The following RIC8B variants were observed in gnomAD, a reference collection of about 807,000 sequenced individuals.
The protein encoded by RIC8B is chaperone Ric-8B.
In RIC8B, 16 loss-of-function variants were observed where a neutral mutation model predicts 57.5. The ratio of observed to expected loss-of-function variants is 0.28; its 90% CI spans 0.19 to 0.42. The LOEUF (loss-of-function observed/expected upper bound fraction) is 0.42, where lower values mean the gene tolerates loss of function less well. Ranked by LOEUF, RIC8B falls within the 10% of genes least tolerant of loss-of-function variation. The probability of loss-of-function intolerance (pLI) is 1.00; values close to 1 mark genes in which losing one functional copy is unlikely to be tolerated. For synonymous variants in RIC8B, 216 were observed against 250.8 expected, an observed-to-expected ratio of 0.86 and a Z score of 1.31; for missense variants, 481 against 677.0, an observed-to-expected ratio of 0.71 and a Z score of 3.21.
Position 106,774,726 on chromosome 12 carries a change from G to A in RIC8B, c.-20G>A, listed in dbSNP as rs939067872. Reference sequence around the variant, plus strand: ...GGCTTGGGCGCGCAGAGCGGCCGCGGCTCCCCCGCACCTGCGGCCATGGAT... The same window carrying A: ...GGCTTGGGCGCGCAGAGCGGCCGCGACTCCCCCGCACCTGCGGCCATGGAT... On this transcript the variant is annotated 5_prime_UTR_variant, in exon 1 of 10. Transcript: ENST00000392837. 35 of 1,543,164 alleles carry A rather than the reference G, an allele frequency of 2.3e-5. No individual in the cohort carries two copies. Among genetic ancestry groups the A allele is most frequent in the Non-Finnish European group, 3.0e-5 (34 of 1,142,534 alleles).
intron 6 of RIC8B, among the ~76,000 whole-genome samples, chr12:106,849,076 A>T (rs1410155977): frequency 6.6e-6 from 1 of 152,110 alleles, no homozygotes; most frequent in Non-Finnish European, 1.5e-5. Context: ...CAACAGGGTG[A>T]TGTCAACAAT....
chr12:106,862,657 C>T (rs1161727033), intron 8 of RIC8B, among the ~76,000 whole-genome samples: 2 of 152,126 alleles, frequency 1.3e-5, no homozygotes, highest in East Asian at 3.9e-4. Context: ...TTATTCACAA[C>T]AGTTGCTACT....
chr12:106,875,784 G>GT (rs894298181), intron 9 of RIC8B, among the ~76,000 whole-genome samples: 54 of 151,310 alleles, frequency 3.6e-4, no homozygotes, highest in East Asian at 3.9e-4. Flanking sequence ...TAAGTGTTTT[G>GT]TTTTTTTTGT....
At chr12:106,784,900 T>G (rs1466925286) in intron 2 of RIC8B, among the ~76,000 whole-genome samples, 1 of 152,224 alleles carries the variant, frequency 6.6e-6, no homozygotes, top group African/African-American at 2.4e-5. Flanking sequence ...ATTTCTTCCA[T>G]CCATTTTCTC....
chr12:106,817,790 A>G (rs911285520), intron 3 of RIC8B, among the ~76,000 whole-genome samples: 4 of 146,562 alleles, frequency 2.7e-5, no homozygotes, highest in Non-Finnish European at 3.0e-5. Flanking sequence ...GCGCCACTGC[A>G]CTCCAGCCTG....
chr12:106,807,792 A>G (rs1379850773), intron 2 of RIC8B, among the ~76,000 whole-genome samples: 3 of 152,204 alleles, frequency 2.0e-5, no homozygotes, highest in Non-Finnish European at 4.4e-5. Flanking sequence ...GAATTCAAAA[A>G]TATTTAGGGG....
chr12:106,789,638 G>A (rs2044182303), intron 2 of RIC8B, among the ~76,000 whole-genome samples: 1 of 152,036 alleles, frequency 6.6e-6, no homozygotes, highest in African/African-American at 2.4e-5. Context: ...ACAGTATGGG[G>A]GAAACCGCCC....
chr12:106,853,616 A>T (rs1949585396), intron 7 of RIC8B, among the ~76,000 whole-genome samples: 1 of 151,626 alleles, frequency 6.6e-6, no homozygotes. Context: ...CTACAGGCAC[A>T]TGCCAACATG....
At chr12:106,865,091 A>C (rs1380673321) in intron 8 of RIC8B, among the ~76,000 whole-genome samples, 1 of 152,156 alleles carries the variant, frequency 6.6e-6, no homozygotes, top group Non-Finnish European at 1.5e-5. Context: ...ATATCTGTCA[A>C]GTCCCTGCTT....
intron 2 of RIC8B, among the ~76,000 whole-genome samples, chr12:106,805,778 T>A (rs988296384): frequency 6.6e-6 from 1 of 152,200 alleles, no homozygotes; most frequent in Non-Finnish European, 1.5e-5. Flanking sequence ...AAACGTGGAC[T>A]AGTATATTTT....
intron 1 of RIC8B, chr12:106,775,351 C>T (rs1270232121): frequency 2.2e-6 from 1 of 455,922 alleles, no homozygotes; most frequent in Non-Finnish European, 4.4e-6. Flanking sequence ...TGGTATCATC[C>T]TCCCCATTTT....
chr12:106,775,806 G>A (rs926770412), intron 1 of RIC8B, among the ~76,000 whole-genome samples: 3 of 152,140 alleles, frequency 2.0e-5, no homozygotes, highest in Non-Finnish European at 4.4e-5. Flanking sequence ...AATGACTGGC[G>A]ACTCCCTTCT....
intron 1 of RIC8B, 33 bp downstream of exon 1, chr12:106,774,862 G>C: frequency 3.4e-6 from 5 of 1,487,354 alleles, no homozygotes; most frequent in Non-Finnish European, 3.6e-6. Flanking sequence ...GTGCGGTATC[G>C]CACCCCCGGG....
intron 4 of RIC8B, among the ~76,000 whole-genome samples, chr12:106,829,144 C>A (rs1012220488): frequency 1.3e-5 from 2 of 152,206 alleles, no homozygotes; most frequent in Non-Finnish European, 2.9e-5. Flanking sequence ...TCTATTCTTT[C>A]ATTTCCTTTT....
At chr12:106,780,238 C>G in intron 1 of RIC8B, among the ~76,000 whole-genome samples, 1 of 152,120 alleles carries the variant, frequency 6.6e-6, no homozygotes, top group South Asian at 2.1e-4. Context: ...CTTGGTGGCC[C>G]TGCAGGCCAC....
At chr12:106,878,328 AAG>A (rs1950762982) in intron 9 of RIC8B, among the ~76,000 whole-genome samples, 1 of 152,150 alleles carries the variant, frequency 6.6e-6, no homozygotes, top group South Asian at 2.1e-4. Context: ...GTGAGAAAAA[AAG>A]AGGTGAAAAC....
At chr12:106,850,997 C>T (rs1471892307) in intron 6 of RIC8B, among the ~76,000 whole-genome samples, 1 of 151,966 alleles carries the variant, frequency 6.6e-6, no homozygotes, top group Non-Finnish European at 1.5e-5. Flanking sequence ...ACTTCTGGTC[C>T]CAAGCATTTT....
intron 6 of RIC8B, among the ~76,000 whole-genome samples, chr12:106,850,545 G>A (rs1200212749): frequency 6.6e-6 from 1 of 152,116 alleles, no homozygotes; most frequent in Non-Finnish European, 1.5e-5. Context: ...TAAGCCCTCT[G>A]GGGATCAGTC....
At chr12:106,798,006 C>T (rs1290978323) in intron 2 of RIC8B, 5 of 709,196 alleles carry the variant, frequency 7.1e-6, no homozygotes, top group Non-Finnish European at 1.3e-5. Flanking sequence ...TGATGGAGAA[C>T]ATAAAGCTTT....
Sources: allele counts gnomAD v4.1 joint callset (sites outside exome capture counted in the v4.1 genomes callset), GRCh38; gene constraint gnomAD v4.1.1; transcripts MANE v1.5; gene names NCBI Gene and HGNC (gene_info 2026-07-23, HGNC 2026-07-21).